SLC15A5: variants seen among roughly 807,000 people sequenced by gnomAD.
The protein encoded by SLC15A5 is Peptide/histidine transporter ENSP00000340402.
In SLC15A5, 58 loss-of-function variants were observed where a neutral mutation model predicts 56.1. The ratio of observed to expected loss-of-function variants is 1.03; its 90% confidence interval spans 0.84 to 1.29. The LOEUF is 1.29. SLC15A5 is among the 50% of genes most tolerant of loss of function. SLC15A5 has a pLI of 0.00. For missense variants in SLC15A5, 681 were observed against 672.1 expected (o/e 1.01, Z -0.15); for synonymous variants, 264 against 250.5 (o/e 1.05, Z -0.51).
In SLC15A5 at chr12:16,244,604, G is replaced by A; in HGVS notation, c.951C>T (p.Leu317=). 2 of 1,537,716 alleles carry A rather than the reference G, an allele frequency of 1.3e-6. No individual in the cohort carries two copies. The highest frequency in any genetic ancestry group is 1.7e-6 in the Non-Finnish European group (2 of 1,147,014). The change falls in exon 4 of 9, where the codon CTC becomes CTT. Residue 317 remains leucine (L), a synonymous_variant. Transcript: ENST00000344941. ...LTLLPLFIFQ[L]LYRMCIMQIP... is the part of the protein sequence containing the mutation. ...CCTGCATAATGCACATTCTGTATAGGAGCTGAAAAATGAAGAGAGGGAGAA... is the reference window on the plus strand; with the variant it reads ...CCTGCATAATGCACATTCTGTATAGAAGCTGAAAAATGAAGAGAGGGAGAA...
intron 3 of SLC15A5, among the ~76,000 whole-genome samples, chr12:16,254,000 A>G (rs1026913280): frequency 4.6e-5 from 7 of 152,166 alleles, no homozygotes; most frequent in African/African-American, 1.7e-4. Context: ...TCATCTCAGC[A>G]TTATTTATAT....
chr12:16,200,612 C>A (rs1470506020), intron 7 of SLC15A5, among the ~76,000 whole-genome samples: 1 of 152,006 alleles, frequency 6.6e-6, no homozygotes, highest in Non-Finnish European at 1.5e-5. Context: ...ATAAACCAAA[C>A]CTCCAAGAAA....
chr12:16,232,134 T>A (rs957105711), intron 5 of SLC15A5, among the ~76,000 whole-genome samples: 2 of 151,952 alleles, frequency 1.3e-5, no homozygotes, highest in Non-Finnish European at 2.9e-5. Flanking sequence ...AAACAGGAAG[T>A]GGGGGTAATC....
intron 3 of SLC15A5, among the ~76,000 whole-genome samples, chr12:16,247,697 A>G (rs3915248): frequency 0.45 from 68,366 of 151,724 alleles, 15,612 homozygotes; most frequent in South Asian, 0.62. Flanking sequence ...GAAAGCATAA[A>G]GGCCAATAGG....
At chr12:16,238,528 G>T (rs1864375205) in intron 5 of SLC15A5, among the ~76,000 whole-genome samples, 1 of 151,514 alleles carries the variant, frequency 6.6e-6, no homozygotes, top group Non-Finnish European at 1.5e-5. Flanking sequence ...TACTCGGGAG[G>T]CTGAGGCAGG....
chr12:16,190,338 A>C (rs1012165949), intron 8 of SLC15A5, among the ~76,000 whole-genome samples: 3 of 152,184 alleles, frequency 2.0e-5, no homozygotes, highest in Non-Finnish European at 4.4e-5. Flanking sequence ...ACAGATTAAG[A>C]AACTGAAGTT....
intron 2 of SLC15A5, among the ~76,000 whole-genome samples, chr12:16,263,515 A>T (rs539950752): frequency 7.2e-5 from 11 of 152,302 alleles, no homozygotes; most frequent in Admixed American, 5.9e-4. Context: ...CTTAGGAGAA[A>T]TTCAAGCCCG....
chr12:16,225,616 C>T (rs549923479), intron 5 of SLC15A5, among the ~76,000 whole-genome samples: 1 of 152,260 alleles, frequency 6.6e-6, no homozygotes, highest in East Asian at 1.9e-4. Flanking sequence ...AAGAAAAAAA[C>T]AACCCCATCA....
intron 5 of SLC15A5, among the ~76,000 whole-genome samples, chr12:16,234,433 AAACT>A (rs1194416402): frequency 6.6e-6 from 1 of 152,238 alleles, no homozygotes; most frequent in Non-Finnish European, 1.5e-5. Flanking sequence ...GTGCCAATGA[AAACT>A]AACTTTCTTA....
intron 3 of SLC15A5, among the ~76,000 whole-genome samples, chr12:16,246,590 A>C (rs1374468705): frequency 3.3e-5 from 5 of 152,166 alleles, no homozygotes; most frequent in African/African-American, 1.2e-4. Context: ...GATCCAAATT[A>C]ACTTTATGCT....
Position 16,235,304 on chromosome 12 carries a change from ATATATATG to A in SLC15A5, c.1162+4369_1162+4376del, listed in dbSNP as rs1007969112. Reference sequence around the variant, plus strand: ...TATGTATATATGTATATGTATATGTATATATATGTATATATGTATATGTATATGTACAT... The same window carrying A: ...TATGTATATATGTATATGTATATGTATATATATGTATATGTATATGTACAT... On this transcript the variant is annotated intron_variant, in intron 5 of 8. Coordinates refer to ENST00000344941, the MANE Select transcript of SLC15A5 (RefSeq NM_001170798.1). This position sits in a 1 kb window ranked among gnomAD's most constrained non-coding sequence, Gnocchi z 4.1. 9.4e-5 allele frequency among the ~76,000 whole-genome samples: 14 copies of A among 148,980 alleles called. No homozygotes were observed. In the East Asian group the frequency reaches 2.1e-3, roughly 23 times the overall value.
chr12:16,242,465 A>G (rs2136259584), intron 4 of SLC15A5, among the ~76,000 whole-genome samples: 2 of 152,346 alleles, frequency 1.3e-5, no homozygotes, highest in African/African-American at 4.8e-5. Context: ...CACATTAGCA[A>G]GGTGACTGGG....
At chr12:16,229,125 A>G (rs1864270801) in intron 5 of SLC15A5, among the ~76,000 whole-genome samples, 1 of 152,192 alleles carries the variant, frequency 6.6e-6, no homozygotes, top group East Asian at 1.9e-4. Context: ...CCTATTAAGC[A>G]CCCAGCAGCC....
intron 8 of SLC15A5, among the ~76,000 whole-genome samples, chr12:16,190,144 G>T (rs1863827111): frequency 6.6e-6 from 1 of 152,094 alleles, no homozygotes; most frequent in Admixed American, 6.6e-5. Context: ...ATGCATAAGA[G>T]GTTTACTGGG....
At position 16,204,220 on chromosome 12, in the gene SLC15A5, C is replaced by T. The variant is rs1386407024; in HGVS notation, c.1484-9767G>A. ...CCTGTAATCCCAGCACTTTGGGAAG[C>T]CAAAGTGGGCTGATCACTTGAGGTC... On this transcript the variant is annotated intron_variant, in intron 7 of 8. Coordinates refer to ENST00000344941, the MANE Select transcript of SLC15A5 (RefSeq NM_001170798.1). Among the ~76,000 whole-genome samples, 10 of 152,100 alleles carry T rather than the reference C, an allele frequency of 6.6e-5. No homozygotes were observed. The East Asian group carries it at 1.6e-3, about 24-fold the overall frequency.
In SLC15A5 at chr12:16,243,646, T is replaced by C. The variant is rs994604815; in HGVS notation, c.975+934A>G. 1.7e-4 allele frequency among the ~76,000 whole-genome samples: 26 copies of C among 152,198 alleles called. No homozygotes were observed. Among genetic ancestry groups the C allele is most frequent in the Admixed American group, 1.6e-3 (25 of 15,282 alleles). ...CTGGATTTGGCCTTCAGATAGTGGA[T>C]GGCTAACCCCTGGTTTAGAGGGGCA... is the stretch of plus-strand genomic sequence containing the variant. On this transcript the variant is annotated intron_variant, in intron 4 of 8. Transcript: ENST00000344941. The surrounding 1 kb of genome is among the most constrained non-coding windows in gnomAD (Gnocchi z 4.4).
intron 2 of SLC15A5, among the ~76,000 whole-genome samples, chr12:16,265,511 C>G (rs1322055764): frequency 6.6e-6 from 1 of 152,114 alleles, no homozygotes; most frequent in Non-Finnish European, 1.5e-5. Flanking sequence ...CATTATCTCA[C>G]TCTGTTGACT....
chr12:16,222,427 T>TC (rs1235704529), intron 6 of SLC15A5, among the ~76,000 whole-genome samples: 2 of 152,162 alleles, frequency 1.3e-5, no homozygotes, highest in Non-Finnish European at 2.9e-5. Flanking sequence ...GAGTAGTCTC[T>TC]CATTCCCATT....
chr12:16,244,562 C>G lies in SLC15A5; in HGVS notation c.975+18G>C, dbSNP rs934440258. On this transcript the variant is annotated intron_variant, in intron 4 of 8. Coordinates refer to ENST00000344941, the MANE Select transcript of SLC15A5 (RefSeq NM_001170798.1). ...TCACTTTCCTGTTGTTGGGGTAGTA[C>G]TCATCGCCTGTCCTTACCTGCATAA... The G allele has an allele frequency of 6.5e-7, 1 of 1,532,292 alleles. No individual in the cohort carries two copies. The allele number at this position is 1,532,292 out of a possible 1,614,324, so 94.9% of individuals were successfully genotyped here. A position where few individuals can be genotyped will look rare whatever the true frequency, so the allele number is the denominator to read the frequency against.
Sources: allele counts gnomAD v4.1 joint callset (sites outside exome capture counted in the v4.1 genomes callset), GRCh38; gene constraint gnomAD v4.1.1; non-coding constraint Gnocchi (gnomAD v3.1); transcripts MANE v1.5; gene names NCBI Gene and HGNC (gene_info 2026-07-23, HGNC 2026-07-21).